JCAD: variants seen among roughly 807,000 people sequenced by gnomAD.
JCAD encodes junctional cadherin 5-associated protein.
In JCAD, 40 loss-of-function variants were observed where a neutral mutation model predicts 98.0. The ratio of observed to expected loss-of-function variants is 0.41; its 90% CI spans 0.32 to 0.53. The LOEUF is 0.53. Among genes scored for constraint, JCAD ranks in the 20% least tolerant of loss-of-function variants. The pLI, the probability that JCAD is intolerant of heterozygous loss-of-function variation, is 0.31. For synonymous variants in JCAD, 691 were observed against 682.3 expected (o/e 1.01, Z -0.20); for missense variants, 1,705 against 1,738.1 (o/e 0.98, Z 0.34).
intron 1 of JCAD, among the ~76,000 whole-genome samples, chr10:30,113,316 C>A (rs1172611617): frequency 6.6e-6 from 1 of 151,802 alleles, no homozygotes; most frequent in Non-Finnish European, 1.5e-5. Flanking sequence ...TCTGGGAGGC[C>A]AAAGCCAGTG....
At chr10:30,054,399 G>C (rs765299264) in intron 1 of JCAD, among the ~76,000 whole-genome samples, 1 of 151,760 alleles carries the variant, frequency 6.6e-6, no homozygotes, top group Non-Finnish European at 1.5e-5. Flanking sequence ...TCATTTTGCA[G>C]GTCAAAAATA....
At chr10:30,081,589 GC>G (rs1011208817) in intron 1 of JCAD, among the ~76,000 whole-genome samples, 51 of 152,196 alleles carry the variant, frequency 3.4e-4, no homozygotes, top group African/African-American at 1.1e-3. Context: ...ACGCCACCAT[GC>G]CTGGCTAATT....
intron 3 of JCAD, among the ~76,000 whole-genome samples, chr10:30,024,607 A>AT (rs1447192768): frequency 6.6e-6 from 1 of 152,068 alleles, no homozygotes; most frequent in African/African-American, 2.4e-5. Context: ...TGTGTTTTGC[A>AT]TAAGGAGCAG....
intron 2 of JCAD, among the ~76,000 whole-genome samples, chr10:30,039,889 G>A (rs947985946): frequency 5.9e-5 from 9 of 152,218 alleles, no homozygotes; most frequent in South Asian, 2.1e-4. Context: ...GACGGACTAC[G>A]CCTTCCTTTT....
chr10:30,078,434 C>T (rs1198990898), intron 1 of JCAD, among the ~76,000 whole-genome samples: 1 of 151,800 alleles, frequency 6.6e-6, no homozygotes, highest in African/African-American at 2.4e-5. Flanking sequence ...TTTTTTAATA[C>T]AACAGCATCA....
chr10:30,113,785 C>T (rs1838746805), intron 1 of JCAD, among the ~76,000 whole-genome samples: 1 of 152,158 alleles, frequency 6.6e-6, no homozygotes, highest in Non-Finnish European at 1.5e-5. Flanking sequence ...ACCTGTTCCT[C>T]ACCTGCACAC....
At chr10:30,073,735 C>T (rs961971847) in intron 1 of JCAD, among the ~76,000 whole-genome samples, 6 of 125,980 alleles carry the variant, frequency 4.8e-5, no homozygotes, top group Admixed American at 3.5e-4. Flanking sequence ...CCTTCCTTCC[C>T]TCCCTCCCTC....
intron 3 of JCAD, among the ~76,000 whole-genome samples, chr10:30,021,565 G>T (rs1836660444): frequency 6.6e-6 from 1 of 152,062 alleles, no homozygotes; most frequent in Non-Finnish European, 1.5e-5. Flanking sequence ...TTTTAATACT[G>T]TATTTCACCA....
intron 2 of JCAD, among the ~76,000 whole-genome samples, chr10:30,045,768 T>A (rs1837322872): frequency 6.6e-6 from 1 of 152,188 alleles, no homozygotes; most frequent in African/African-American, 2.4e-5. Flanking sequence ...TTCATTGTGA[T>A]TTTCCCCCCT....
chr10:30,012,866 T>C lies in JCAD; in HGVS notation c.*5017A>G, dbSNP rs947193216. ...GAGCAGGCCAGCCGCCATCCTGAAA[T>C]AGCAAGGATATTTACACTGTGCAGA... On this transcript the variant is annotated 3_prime_UTR_variant, in exon 4 of 4. Transcript: ENST00000375377. The C allele has an allele frequency of 6.6e-6, 1 of 152,246 alleles. No individual in the cohort carries two copies. Among genetic ancestry groups the C allele is most frequent in the African/African-American group, 2.4e-5 (1 of 41,440 alleles). 9.4% of individuals were successfully genotyped at this position (152,246 alleles called of 1,614,324 possible).
At position 30,027,495 on chromosome 10, in the gene JCAD, T is replaced by C. The variant is rs1428683061; in HGVS notation, c.2653A>G (p.Ser885Gly). Reference sequence around the variant, plus strand: ...TGTGGCTCAACCCTCATTTCCGGGCTGTTTCCGCGGAAGCCCACATCCTCC... The same window carrying C: ...TGTGGCTCAACCCTCATTTCCGGGCCGTTTCCGCGGAAGCCCACATCCTCC... ...RQEDVGFRGN[S>G]PEMRVEPQPR... is the part of the protein sequence containing the mutation. The change falls in exon 3 of 4, where the codon AGC (serine) becomes GGC (glycine). Residue 885 changes from serine to glycine, a missense_variant. Transcript: ENST00000375377. 6.2e-7 allele frequency: 1 copy of C among 1,608,948 alleles called. No homozygotes were observed. Among genetic ancestry groups the C allele is most frequent in the East Asian group, 2.2e-5 (1 of 44,878 alleles).
chr10:30,043,355 T>C (rs1004978088), intron 2 of JCAD, among the ~76,000 whole-genome samples: 84 of 152,286 alleles, frequency 5.5e-4, no homozygotes, highest in African/African-American at 2.0e-3. Context: ...AAAATTTTAC[T>C]AGATAGAGCT....
rs533758821 is a variant in JCAD, at chr10:30,014,066, C to T, written c.*3817G>A. On this transcript the variant is annotated 3_prime_UTR_variant, in exon 4 of 4. Coordinates refer to ENST00000375377, the MANE Select transcript of JCAD (RefSeq NM_020848.4). ...TCCTTTAATGTTATTTTATCATCTC[C>T]CCCTTCTTAGTGTGGTGGGTCCCAG... 2.0e-5 allele frequency: 3 copies of T among 152,298 alleles called. No homozygotes were observed. Among genetic ancestry groups the T allele is most frequent in the African/African-American group, 7.2e-5 (3 of 41,556 alleles). The allele number at this position is 152,298 out of a possible 1,614,324, so 9.4% of individuals were successfully genotyped here. A position where few individuals can be genotyped will look rare whatever the true frequency, so the allele number is the denominator to read the frequency against.
intron 3 of JCAD, among the ~76,000 whole-genome samples, chr10:30,020,326 CAA>C (rs59762991): frequency 6.3e-4 from 52 of 83,062 alleles, no homozygotes; most frequent in Middle Eastern, 6.3e-3. Context: ...GACTCGGTCT[CAA>C]AAAAAAAAAA....
chr10:30,092,105 TATATATATATATATATATATAAAA>T (rs1838290890), intron 1 of JCAD, among the ~76,000 whole-genome samples: 1 of 100,704 alleles, frequency 9.9e-6, no homozygotes, highest in African/African-American at 4.8e-5. Context: ...ACTTTATATA[TATATATATATATATATATATAAAA>T]AACATTTTAA....
chr10:30,102,293 C>A (rs1838485848), intron 1 of JCAD, among the ~76,000 whole-genome samples: 2 of 152,112 alleles, frequency 1.3e-5, no homozygotes. Flanking sequence ...CTCAGCCTCC[C>A]AATTAGCTGG....
upstream of JCAD, among the ~76,000 whole-genome samples, chr10:30,062,394 C>T (rs1017947684): frequency 1.3e-5 from 2 of 152,086 alleles, no homozygotes; most frequent in African/African-American, 4.8e-5. Context: ...TGACTAAGGC[C>T]ATTTCAAACA....
intron 1 of JCAD, among the ~76,000 whole-genome samples, chr10:30,082,887 A>G (rs1160771706): frequency 7.0e-6 from 1 of 143,386 alleles, no homozygotes; most frequent in Non-Finnish European, 1.5e-5. Flanking sequence ...ACAAAAAATT[A>G]GCTGGGTGTG....
At chr10:30,023,244 G>C (rs1836704155) in intron 3 of JCAD, among the ~76,000 whole-genome samples, 1 of 151,994 alleles carries the variant, frequency 6.6e-6, no homozygotes, top group Non-Finnish European at 1.5e-5. Flanking sequence ...CACCACGTTG[G>C]CCACACCAGT....
Sources: allele counts gnomAD v4.1 joint callset (sites outside exome capture counted in the v4.1 genomes callset), GRCh38; gene constraint gnomAD v4.1.1; transcripts MANE v1.5; gene names NCBI Gene and HGNC (gene_info 2026-07-23, HGNC 2026-07-21).